The following RIMS1 variants were observed in gnomAD, a reference collection of about 807,000 sequenced individuals.
RIMS1 encodes regulating synaptic membrane exocytosis 1.
Under a neutral mutation model 214.1 loss-of-function variants are expected in RIMS1, and 83 were observed. That is an observed-to-expected ratio of 0.39 (90% CI 0.32 to 0.47). The LOEUF (loss-of-function observed/expected upper bound fraction) is 0.47. Among genes scored for constraint, RIMS1 ranks in the 20% least tolerant of loss-of-function variants. The probability of loss-of-function intolerance (pLI) is 0.99; values close to 1 mark genes in which losing one functional copy is unlikely to be tolerated. For missense variants in RIMS1, 2,050 were observed against 2,161.8 expected, an observed-to-expected ratio of 0.95 and a Z score of 1.03; for synonymous variants, 793 against 786.8, an observed-to-expected ratio of 1.01 and a Z score of -0.13.
intron 2 of RIMS1, among the ~76,000 whole-genome samples, chr6:72,004,066 G>T (rs1403743404): frequency 7.9e-6 from 1 of 126,516 alleles, no homozygotes; most frequent in African/African-American, 3.1e-5. Flanking sequence ...TACCCTTCCT[G>T]TGTCCATGTG....
At chr6:71,930,930 C>A (rs1782837841) in intron 1 of RIMS1, among the ~76,000 whole-genome samples, 1 of 151,988 alleles carries the variant, frequency 6.6e-6, no homozygotes, top group Non-Finnish European at 1.5e-5. Flanking sequence ...AGATTGGCCT[C>A]ATATTGACCC....
At chr6:71,949,915 A>G (rs1307080861) in intron 1 of RIMS1, among the ~76,000 whole-genome samples, 1 of 152,178 alleles carries the variant, frequency 6.6e-6, no homozygotes, top group Non-Finnish European at 1.5e-5. Context: ...TGGCTTCAAT[A>G]TTCATAACAG....
intron 4 of RIMS1, among the ~76,000 whole-genome samples, chr6:72,117,416 T>C (rs945584500): frequency 6.6e-6 from 1 of 152,014 alleles, no homozygotes; most frequent in African/African-American, 2.4e-5. Context: ...AAGTCTATTG[T>C]TTCTTTGTTG....
At chr6:72,268,638 A>T (rs563194592) in intron 22 of RIMS1, among the ~76,000 whole-genome samples, 4 of 152,296 alleles carry the variant, frequency 2.6e-5, no homozygotes, top group African/African-American at 9.6e-5. Flanking sequence ...ATTGAAAACC[A>T]TCAGATACAC....
rs780611745 is a variant in RIMS1 at position 72,196,603 on chromosome 6, T to TTTA, written c.1678+13454_1678+13455insTTA. On this transcript the variant is annotated intron_variant, in intron 6 of 33. Coordinates refer to ENST00000521978, the MANE Select transcript of RIMS1 (RefSeq NM_014989.7). ...CACTTTTTTTTTTTTTTTTTTTTTT[T>TTTA]ACCTATACAGGAAATGGGTTAAAAG... is the stretch of plus-strand genomic sequence containing the variant. Among the ~76,000 whole-genome samples, 279 of 132,272 alleles carry TTTA rather than the reference T, an allele frequency of 2.1e-3. 10 individuals carry two copies. Among genetic ancestry groups the TTTA allele is most frequent in the Non-Finnish European group, 3.3e-3 (202 of 61,258 alleles). The allele number at this position is 132,272 out of a possible 152,430, so 86.8% of individuals were successfully genotyped here. A position where few individuals can be genotyped will look rare whatever the true frequency, so the allele number is the denominator to read the frequency against.
At chr6:72,187,950 A>C (rs1290171341) in intron 6 of RIMS1, among the ~76,000 whole-genome samples, 2 of 152,168 alleles carry the variant, frequency 1.3e-5, no homozygotes, top group Non-Finnish European at 2.9e-5. Context: ...GCTGAAGAGC[A>C]AGGAAGCCAG....
At chr6:72,389,713 A>G (rs2098671829) in intron 29 of RIMS1, among the ~76,000 whole-genome samples, 1 of 152,224 alleles carries the variant, frequency 6.6e-6, no homozygotes, top group South Asian at 2.1e-4. Flanking sequence ...AGAAATTTAT[A>G]TAGGACGTAT....
intron 2 of RIMS1, among the ~76,000 whole-genome samples, chr6:72,032,905 G>A (rs1390185218): frequency 6.6e-6 from 1 of 152,184 alleles, no homozygotes; most frequent in Non-Finnish European, 1.5e-5. Context: ...CACTGGCTAT[G>A]TGGGAGTACT....
intron 2 of RIMS1, among the ~76,000 whole-genome samples, chr6:72,004,028 C>G (rs1271617975): frequency 3.0e-5 from 3 of 100,786 alleles, no homozygotes; most frequent in Non-Finnish European, 5.6e-5. Context: ...CCTCCCCCCA[C>G]CCCAAAACAG....
intron 4 of RIMS1, among the ~76,000 whole-genome samples, chr6:72,109,738 G>C (rs1014669423): frequency 6.6e-6 from 1 of 152,260 alleles, no homozygotes; most frequent in South Asian, 2.1e-4. Context: ...GGCTTTTGTT[G>C]CCATTGCCTT....
chr6:72,378,097 C>T (rs1315415095), intron 29 of RIMS1, among the ~76,000 whole-genome samples: 1 of 152,354 alleles, frequency 6.6e-6, no homozygotes, highest in East Asian at 1.9e-4. Flanking sequence ...TATCCCTTAT[C>T]ACCCTACCAT....
intron 16 of RIMS1, among the ~76,000 whole-genome samples, chr6:72,254,431 A>C (rs1156395785): frequency 1.3e-5 from 2 of 152,178 alleles, no homozygotes; most frequent in Non-Finnish European, 2.9e-5. Context: ...CAAAGAGTAA[A>C]GTGATTATAA....
rs998913510 is a variant in RIMS1, at chr6:72,362,607, T to C, written c.4367-27991T>C. On this transcript the variant is annotated intron_variant, in intron 29 of 33. Transcript: ENST00000521978. ...TCCCAACTAATTTTATCCCCAGTTG[T>C]TTAATATACCCATATAGTAGATAAA... is the stretch of plus-strand genomic sequence containing the variant. Among the ~76,000 whole-genome samples the C allele has an allele frequency of 4.6e-5, 7 of 152,202 alleles. 1 individual carries two copies. The East Asian group carries it at 5.8e-4, about 13-fold the overall frequency.
Position 71,932,177 on chromosome 6 carries a change from C to T in RIMS1, c.165-36806C>T, listed in dbSNP as rs143380794. Among the ~76,000 whole-genome samples, 280 of 152,188 alleles carry T rather than the reference C, an allele frequency of 1.8e-3. 1 individual carries two copies. The highest frequency in any genetic ancestry group is 6.5e-3 in the African/African-American group (268 of 41,534). On this transcript the variant is annotated intron_variant, in intron 1 of 33. Coordinates refer to ENST00000521978, the MANE Select transcript of RIMS1 (RefSeq NM_014989.7). ...ATACTATTATAAAGACACATGCACACGTATGTTCATTGCAGCTATTCACAA... is the reference window on the plus strand; with the variant it reads ...ATACTATTATAAAGACACATGCACATGTATGTTCATTGCAGCTATTCACAA...
chr6:72,159,142 T>G (rs1362448045), intron 4 of RIMS1, among the ~76,000 whole-genome samples: 2 of 141,380 alleles, frequency 1.4e-5, no homozygotes, highest in Non-Finnish European at 3.2e-5. Flanking sequence ...ATTTCTCTGA[T>G]GGCCAGTGAT....
intron 29 of RIMS1, among the ~76,000 whole-genome samples, chr6:72,369,110 T>G (rs2098135701): frequency 6.7e-6 from 1 of 149,654 alleles, no homozygotes; most frequent in South Asian, 2.2e-4. Context: ...TATGGTAGAC[T>G]AGGAGAGAAC....
chr6:72,162,514 A>G (rs1269963309), intron 4 of RIMS1, among the ~76,000 whole-genome samples: 10 of 140,790 alleles, frequency 7.1e-5, no homozygotes, highest in Non-Finnish European at 1.1e-4. Flanking sequence ...ATGTTTTCGC[A>G]GTGGCTGGTA....
intron 24 of RIMS1, 38 bp from the exon 25 acceptor site, chr6:72,290,641 C>G: frequency 6.3e-7 from 1 of 1,579,220 alleles, no homozygotes; most frequent in South Asian, 1.2e-5. Flanking sequence ...TAATGTGAAC[C>G]TGCTGACTGA....
At chr6:72,175,233 A>G (rs1018314114) in intron 4 of RIMS1, 1 of 175,034 alleles carries the variant, frequency 5.7e-6, no homozygotes, top group Non-Finnish European at 1.2e-5. Context: ...TTCATTGAAA[A>G]TTGATCTTAA....
Sources: allele counts gnomAD v4.1 joint callset (sites outside exome capture counted in the v4.1 genomes callset), GRCh38; gene constraint gnomAD v4.1.1; transcripts MANE v1.5; gene names NCBI Gene and HGNC (gene_info 2026-07-23, HGNC 2026-07-21).